The following SYT16 variants were observed in gnomAD, a reference collection of about 807,000 sequenced individuals.
The protein encoded by SYT16 is synaptotagmin-16.
In SYT16, 42 loss-of-function variants were observed where a neutral mutation model predicts 61.4. The observed-to-expected ratio is 0.68, with a 90% CI of 0.53 to 0.89. The LOEUF is 0.89. Among genes scored for constraint, SYT16 ranks in the 40% least tolerant of loss-of-function variants. The pLI is 0.00. For synonymous variants in SYT16, 314 were observed against 302.3 expected (o/e 1.04, Z -0.40); for missense variants, 804 against 807.3 (o/e 1.00, Z 0.05).
chr14:62,080,177 C>G (rs968506323), intron 5 of SYT16, among the ~76,000 whole-genome samples: 1 of 152,236 alleles, frequency 6.6e-6, no homozygotes. Context: ...TAAATCCTTG[C>G]TGCTCAAAGT....
intron 1 of SYT16, among the ~76,000 whole-genome samples, chr14:61,935,406 A>AT (rs2049939497): frequency 6.6e-6 from 1 of 151,896 alleles, no homozygotes; most frequent in East Asian, 1.9e-4. Context: ...GTTTGGTTGC[A>AT]TTTTTTAGCC....
At chr14:62,077,572 G>T (rs1214505881) in intron 5 of SYT16, 1 of 152,216 alleles carries the variant, frequency 6.6e-6, no homozygotes, top group Non-Finnish European at 1.5e-5. Flanking sequence ...ATTAAAATCT[G>T]CCAAATGGGG....
Position 62,075,237 on chromosome 14 carries a change from C to A in SYT16, c.839C>A (p.Ala280Asp), listed in dbSNP as rs2056443248. 2 of 1,613,668 alleles carry A rather than the reference C, an allele frequency of 1.2e-6. No homozygotes were observed. The highest frequency in any genetic ancestry group is 1.7e-6 in the Non-Finnish European group (2 of 1,179,812). Residue 280 changes from alanine (A) to aspartate (D), a missense_variant, in exon 5 of 8, where the codon GCC (alanine) becomes GAC (aspartate). By Grantham distance (126) the Ala-to-Asp change is moderately radical. Transcript: ENST00000683842. ...CAGTCCCCATGTGAAAGAGGGGATG[C>A]CAAACACCACGGCACATCTCACCAA... The part of the protein sequence containing the change: ...HSQSPCERGD[A>D]KHHGTSHQES...
At chr14:61,953,780 G>A (rs1233343379) in intron 1 of SYT16, among the ~76,000 whole-genome samples, 1 of 152,208 alleles carries the variant, frequency 6.6e-6, no homozygotes, top group Non-Finnish European at 1.5e-5. Context: ...CAGCTGTGCT[G>A]TACCCAGGTC....
At chr14:61,818,316 C>T (rs1318009216) in intron 1 of SYT16, among the ~76,000 whole-genome samples, 1 of 152,158 alleles carries the variant, frequency 6.6e-6, no homozygotes, top group East Asian at 1.9e-4. Context: ...TGCTTCACTG[C>T]CCCTCTGTGC....
At chr14:61,922,696 TAAAA>T (rs202042368) in intron 1 of SYT16, among the ~76,000 whole-genome samples, 1 of 150,942 alleles carries the variant, frequency 6.6e-6, no homozygotes, top group East Asian at 1.9e-4. Context: ...AAAATTAAAG[TAAAA>T]AAAAATGGTT....
intron 7 of SYT16, among the ~76,000 whole-genome samples, chr14:62,091,887 C>G (rs970099631): frequency 6.6e-6 from 1 of 151,864 alleles, no homozygotes; most frequent in Non-Finnish European, 1.5e-5. Context: ...TTTTGTGCAT[C>G]AAAAGATAAT....
chr14:62,026,957 TG>T (rs1344163693), intron 3 of SYT16, among the ~76,000 whole-genome samples: 13 of 152,198 alleles, frequency 8.5e-5, no homozygotes, highest in African/African-American at 2.7e-4. Flanking sequence ...AGACTTAAAA[TG>T]TTTTTTTAAT....
At chr14:61,918,461 A>C (rs947054236) in intron 1 of SYT16, among the ~76,000 whole-genome samples, 5 of 152,146 alleles carry the variant, frequency 3.3e-5, no homozygotes, top group Non-Finnish European at 5.9e-5. Context: ...TAAAGGAACA[A>C]TAAAGCCAAA....
At chr14:62,070,812 C>G (rs1026576737) in intron 4 of SYT16, among the ~76,000 whole-genome samples, 2 of 152,100 alleles carry the variant, frequency 1.3e-5, no homozygotes, top group East Asian at 3.9e-4. Context: ...TTCCTTCTTT[C>G]CTTTTGGGAA....
intron 3 of SYT16, among the ~76,000 whole-genome samples, chr14:62,021,411 C>T (rs2053902539): frequency 6.6e-6 from 1 of 152,012 alleles, no homozygotes; most frequent in African/African-American, 2.4e-5. Flanking sequence ...GACCTGGGCC[C>T]AGGCTCTATT....
Position 62,106,285 on chromosome 14 carries a change from A to C in SYT16, c.*5578A>C, listed in dbSNP as rs1183666941. ...ATACAACTGTTAAGTTAGTCTAACTATGTGCCATAAACAGTAGAGTTCCTT... is the reference window on the plus strand; with the variant it reads ...ATACAACTGTTAAGTTAGTCTAACTCTGTGCCATAAACAGTAGAGTTCCTT... On this transcript the variant is annotated 3_prime_UTR_variant, in exon 8 of 8. Coordinates refer to ENST00000683842, the MANE Select transcript of SYT16 (RefSeq NM_001367656.1). The C allele has an allele frequency of 2.0e-5, 3 of 152,178 alleles. No individual in the cohort carries two copies. Among genetic ancestry groups the C allele is most frequent in the African/African-American group, 7.2e-5 (3 of 41,440 alleles). 9.4% of individuals were successfully genotyped at this position (152,178 alleles called of 1,614,324 possible). A position where few individuals can be genotyped will look rare whatever the true frequency, so the allele number is the denominator to read the frequency against.
At chr14:62,043,144 AT>A (rs1220611168) in intron 3 of SYT16, among the ~76,000 whole-genome samples, 1 of 104,730 alleles carries the variant, frequency 9.5e-6, no homozygotes, top group African/African-American at 3.7e-5. Context: ...TTGAAATTTT[AT>A]TTCTTGCTTT....
At chr14:61,848,046 T>C (rs72716782) in intron 1 of SYT16, among the ~76,000 whole-genome samples, 13,710 of 152,260 alleles carry the variant, frequency 0.09, 655 homozygotes, top group Non-Finnish European at 0.1. Flanking sequence ...CTCTCTCAGA[T>C]TGACCCCTGA....
chr14:62,080,697 G>T, intron 5 of SYT16, 137 bp from the exon 6 acceptor site: 1 of 839,872 alleles, frequency 1.2e-6, no homozygotes, highest in African/African-American at 1.7e-5. Flanking sequence ...CCAGTAAACA[G>T]ACCTATCTGA....
intron 3 of SYT16, among the ~76,000 whole-genome samples, chr14:62,008,132 G>T (rs2053298231): frequency 6.6e-6 from 1 of 151,988 alleles, no homozygotes; most frequent in Non-Finnish European, 1.5e-5. Flanking sequence ...AAAATATGGA[G>T]ATATTATCCT....
intron 2 of SYT16, among the ~76,000 whole-genome samples, chr14:61,978,352 A>C (rs975937366): frequency 1.3e-5 from 2 of 152,128 alleles, no homozygotes; most frequent in African/African-American, 4.8e-5. Context: ...GGTATTCCAC[A>C]CTCCTCAACT....
At chr14:61,815,131 T>A (rs1284365721) in intron 1 of SYT16, among the ~76,000 whole-genome samples, 1 of 152,224 alleles carries the variant, frequency 6.6e-6, no homozygotes, top group African/African-American at 2.4e-5. Flanking sequence ...CTCCCAGAGT[T>A]CCTGATTCAG....
intron 1 of SYT16, among the ~76,000 whole-genome samples, chr14:61,908,712 A>G (rs551035948): frequency 1.3e-5 from 2 of 152,264 alleles, no homozygotes; most frequent in South Asian, 2.1e-4. Flanking sequence ...AAAATCTTAT[A>G]CTGAGAGATA....
Sources: allele counts gnomAD v4.1 joint callset (sites outside exome capture counted in the v4.1 genomes callset), GRCh38; gene constraint gnomAD v4.1.1; transcripts MANE v1.5; gene names NCBI Gene and HGNC (gene_info 2026-07-23, HGNC 2026-07-21).